The following RACGAP1 variants were observed in gnomAD, a reference collection of about 807,000 sequenced individuals.
RACGAP1 encodes the protein rac GTPase-activating protein 1.
RACGAP1 carries 30 observed loss-of-function variants against 78.1 expected under a neutral mutation model. The observed-to-expected ratio is 0.38, with a 90% CI of 0.29 to 0.52. The LOEUF (loss-of-function observed/expected upper bound fraction) is 0.52, where lower values mean the gene tolerates loss of function less well. Among genes scored for constraint, RACGAP1 ranks in the 20% least tolerant of loss-of-function variants. RACGAP1 has a pLI of 0.82. For synonymous variants in RACGAP1, 231 were observed against 264.8 expected, an observed-to-expected ratio of 0.87 and a Z score of 1.24; for missense variants, 587 against 777.1, an observed-to-expected ratio of 0.76 and a Z score of 2.91.
intron 1 of RACGAP1, chr12:50,019,894 C>T (rs946139026): frequency 1.6e-4 from 25 of 152,020 alleles, no homozygotes; most frequent in Admixed American, 1.6e-3. Context: ...AATCTCACTA[C>T]CAAAATATAA....
intron 3 of RACGAP1, 84 bp downstream of exon 3, chr12:50,006,350 G>C: frequency 7.0e-7 from 1 of 1,426,570 alleles, no homozygotes; most frequent in Non-Finnish European, 9.9e-7. Flanking sequence ...GAAGAAACTA[G>C]GTATATTTGG....
At chr12:50,017,058 TG>T in intron 1 of RACGAP1, 1 of 1,041,592 alleles carries the variant, frequency 9.6e-7, no homozygotes, top group Non-Finnish European at 1.2e-6. Flanking sequence ...TCAAGCCTAT[TG>T]ATTAATATAA....
At chr12:50,004,468 T>G (rs763367046) in intron 4 of RACGAP1, among the ~76,000 whole-genome samples, 164 bp from the exon 5 acceptor site, 17 of 152,240 alleles carry the variant, frequency 1.1e-4, no homozygotes, top group Non-Finnish European at 1.8e-4. Context: ...TAGGCTACTT[T>G]GTATGGTTTC....
chr12:50,006,786 G>C (rs1949003100), intron 2 of RACGAP1, 150 bp from the exon 3 acceptor site: 2 of 788,360 alleles, frequency 2.5e-6, no homozygotes, highest in Admixed American at 2.5e-5. Flanking sequence ...ACTAGGAGCA[G>C]ATCCTGGATA....
intron 2 of RACGAP1, among the ~76,000 whole-genome samples, chr12:50,008,357 C>T (rs190107405): frequency 4.3e-4 from 65 of 150,926 alleles, no homozygotes; most frequent in African/African-American, 1.6e-3. Flanking sequence ...TGTCACCATG[C>T]CCAGTTAATT....
Position 50,016,530 on chromosome 12 carries a change from A to C in RACGAP1, c.85+101T>G, listed in dbSNP as rs1949690395. On this transcript the variant is annotated intron_variant, in intron 2 of 16. Coordinates refer to ENST00000312377, the MANE Select transcript of RACGAP1 (RefSeq NM_001319999.2). ...CACTGCTTTCTTTTTAGGTAACCCA[A>C]ATGGAAAACAACTTTAAGATTGGAA... 2.3e-6 allele frequency: 3 copies of C among 1,284,628 alleles called. No homozygotes were observed. The Admixed American group carries it at 5.1e-5, about 22-fold the overall frequency. The allele number at this position is 1,284,628 out of a possible 1,614,324, so 79.6% of individuals were successfully genotyped here. A position where few individuals can be genotyped will look rare whatever the true frequency, so the allele number is the denominator to read the frequency against.
Position 49,994,516 on chromosome 12 carries a change from A to G in RACGAP1, c.1045-7T>C, listed in dbSNP as rs1948122749. 3 of 1,607,750 alleles carry G rather than the reference A, an allele frequency of 1.9e-6. No homozygotes were observed. The highest frequency in any genetic ancestry group is 2.7e-5 in the African/African-American group (2 of 74,394). On this transcript the variant is annotated splice_polypyrimidine_tract_variant and splice_region_variant and intron_variant, in intron 10 of 16. Transcript: ENST00000312377. ...CAAAGTCTGCCAGCATTCCCTGGAA[A>G]AAAAAAAGAGCTTTAAATTATTATT...
chr12:50,001,134 G>T (rs1213462081), intron 7 of RACGAP1, 38 bp downstream of exon 7: 4 of 1,456,818 alleles, frequency 2.7e-6, no homozygotes, highest in Non-Finnish European at 3.8e-6. Flanking sequence ...AATGCTTGGG[G>T]CCAGTAATCT....
upstream of RACGAP1, chr12:50,025,569 A>T: frequency 1.0e-6 from 1 of 982,780 alleles, no homozygotes; most frequent in Non-Finnish European, 1.2e-6. Flanking sequence ...CGTCAGGGCC[A>T]CGCGGAGGTG....
At chr12:50,025,281 G>A in intron 1 of RACGAP1, 117 bp downstream of exon 1, 1 of 982,356 alleles carries the variant, frequency 1.0e-6, no homozygotes, top group Non-Finnish European at 1.2e-6. Flanking sequence ...CTGCCAGCCT[G>A]TCCCGCTGTC....
At chr12:50,011,917 GTA>G in intron 2 of RACGAP1, among the ~76,000 whole-genome samples, 4 of 135,280 alleles carry the variant, frequency 3.0e-5, no homozygotes, top group African/African-American at 1.1e-4. Flanking sequence ...TCGTGCCACT[GTA>G]CTCCAGCCTG....
intron 5 of RACGAP1, among the ~76,000 whole-genome samples, chr12:50,003,472 T>C (rs1948803733): frequency 6.6e-6 from 1 of 152,228 alleles, no homozygotes; most frequent in Non-Finnish European, 1.5e-5. Context: ...GGTCAAACAC[T>C]GAATCTGAAC....
chr12:50,018,771 T>C (rs1430684490), intron 1 of RACGAP1, among the ~76,000 whole-genome samples: 4 of 151,996 alleles, frequency 2.6e-5, no homozygotes, highest in Admixed American at 6.6e-5. Context: ...AAACTGGTTG[T>C]TTAAAAAAAA....
Position 49,990,194 on chromosome 12 carries a change from G to A in RACGAP1, c.*74C>T. The A allele has an allele frequency of 7.8e-7, 1 of 1,276,744 alleles. No individual in the cohort carries two copies. Among genetic ancestry groups the A allele is most frequent in the Non-Finnish European group, 1.1e-6 (1 of 878,026 alleles). 79.1% of individuals were successfully genotyped at this position (1,276,744 alleles called of 1,614,324 possible). A position where few individuals can be genotyped will look rare whatever the true frequency, so the allele number is the denominator to read the frequency against. Reference sequence around the variant, plus strand: ...GCTAAAAGTAGTAATGAGTACAGGAGGCTGCAGAGCAGAGTACAGATGTGT... The same window carrying A: ...GCTAAAAGTAGTAATGAGTACAGGAAGCTGCAGAGCAGAGTACAGATGTGT... On this transcript the variant is annotated 3_prime_UTR_variant, in exon 17 of 17. Transcript: ENST00000312377.
intron 1 of RACGAP1, among the ~76,000 whole-genome samples, chr12:50,019,289 C>T (rs1485013758): frequency 6.6e-6 from 1 of 152,134 alleles, no homozygotes; most frequent in Non-Finnish European, 1.5e-5. Flanking sequence ...AAACTCTTTG[C>T]ACTTGAATTA....
intron 1 of RACGAP1, among the ~76,000 whole-genome samples, chr12:50,024,884 G>C (rs1043798946): frequency 2.0e-5 from 3 of 152,094 alleles, no homozygotes; most frequent in African/African-American, 7.2e-5. Context: ...AAATGTACGT[G>C]AAAGTGTACA....
chr12:49,994,576 C>A lies in RACGAP1; in HGVS notation c.1045-67G>T. ...TAGACCAACAGATGAAGACCACATG[C>A]GAAGAACCACCTCCAATCTTATTCT... On this transcript the variant is annotated intron_variant, in intron 10 of 16. Coordinates refer to ENST00000312377, the MANE Select transcript of RACGAP1 (RefSeq NM_001319999.2). 7 of 1,550,128 alleles carry A rather than the reference C, an allele frequency of 4.5e-6. No individual in the cohort carries two copies. In the South Asian group the frequency reaches 7.4e-5, roughly 16 times the overall value.
intron 12 of RACGAP1, 54 bp from the exon 13 acceptor site, chr12:49,992,709 G>A (rs1401057503): frequency 2.8e-6 from 4 of 1,422,460 alleles, no homozygotes; most frequent in African/African-American, 1.4e-5. Context: ...CTTGACAGCG[G>A]GCTTCCAAGT....
chr12:50,011,689 C>T (rs1335887712), intron 2 of RACGAP1, among the ~76,000 whole-genome samples: 6 of 152,092 alleles, frequency 3.9e-5, no homozygotes, highest in Non-Finnish European at 7.4e-5. Flanking sequence ...GGCATGGTGG[C>T]TCATGCCTAT....
Sources: gnomAD v4.1 joint callset for allele counts (sites outside exome capture counted in the v4.1 genomes callset) on GRCh38, gnomAD v4.1.1 for gene constraint, MANE v1.5 for transcripts, NCBI Gene and HGNC (gene_info 2026-07-23, HGNC 2026-07-21) for gene names.